Variants in TDRD5 observed in about 807,000 individuals in gnomAD.
TDRD5 encodes the protein tudor domain containing 5.
TDRD5 carries 41 observed loss-of-function variants against 120.6 expected under a neutral mutation model. That is an observed-to-expected ratio of 0.34 (90% CI 0.26 to 0.44). The LOEUF (loss-of-function observed/expected upper bound fraction) is 0.44, where lower values mean the gene tolerates loss of function less well. Ranked by LOEUF, TDRD5 falls within the 20% of genes least tolerant of loss-of-function variation. TDRD5 has a pLI of 1.00. For missense variants in TDRD5, 1,006 were observed against 1,221.2 expected (o/e 0.82, Z 2.63); for synonymous variants, 430 against 433.7 (o/e 0.99, Z 0.11).
At chr1:179,684,328 C>G (rs1572446024) in intron 17 of TDRD5, among the ~76,000 whole-genome samples, 1 of 152,076 alleles carries the variant, frequency 6.6e-6, no homozygotes, top group African/African-American at 2.4e-5. Flanking sequence ...ATAGTTTGCT[C>G]AGAATGATGG....
At position 179,662,219 on chromosome 1, in the gene TDRD5, C is replaced by A; in HGVS notation, c.2438C>A (p.Ser813Tyr). Residue 813 changes from serine to tyrosine, a missense_variant, in exon 15 of 18, where the codon TCC becomes TAC. This residue lies in a region of TDRD5 where 403 missense variants were observed against 448.1 expected (regional missense o/e 0.90). Transcript: ENST00000444136. The part of the protein sequence containing the change: ...AKMGKGGDAA[S>Y]HLFTASLGGK... ...ATGGGAAAAGGAGGTGATGCTGCCT[C>A]CCATCTATTTACTGCAAGCCTTGGT... is the stretch of plus-strand genomic sequence containing the variant. 6.2e-7 allele frequency: 1 copy of A among 1,611,762 alleles called. No individual in the cohort carries two copies. Among genetic ancestry groups the A allele is most frequent in the Non-Finnish European group, 8.5e-7 (1 of 1,179,112 alleles).
At chr1:179,626,725 A>T (rs973861383) in intron 6 of TDRD5, among the ~76,000 whole-genome samples, 1 of 152,116 alleles carries the variant, frequency 6.6e-6, no homozygotes, top group African/African-American at 2.4e-5. Flanking sequence ...AATTCTTTCA[A>T]CTTTTTCTGT....
rs866407493 is a variant in TDRD5, at chr1:179,633,852, A to G, written c.1127-605A>G. 3.3e-5 allele frequency among the ~76,000 whole-genome samples: 5 copies of G among 152,058 alleles called. No homozygotes were observed. In the South Asian group the frequency reaches 6.2e-4, roughly 19 times the overall value. On this transcript the variant is annotated intron_variant, in intron 7 of 17. Coordinates refer to ENST00000444136, the MANE Select transcript of TDRD5 (RefSeq NM_001199085.3). ...GAAGTAAATTGAAATCAAGATGCTGAAAAAAATTAAGTCTTTAACTAAAGT... is the reference window on the plus strand; with the variant it reads ...GAAGTAAATTGAAATCAAGATGCTGGAAAAAATTAAGTCTTTAACTAAAGT...
chr1:179,628,358 G>C (rs1040232730), intron 6 of TDRD5, among the ~76,000 whole-genome samples: 2 of 131,646 alleles, frequency 1.5e-5, no homozygotes, highest in Non-Finnish European at 3.1e-5. Flanking sequence ...TTTAAGACGG[G>C]GTCTTGCTGT....
chr1:179,682,989 G>C (rs977760667), intron 17 of TDRD5, among the ~76,000 whole-genome samples: 17 of 151,486 alleles, frequency 1.1e-4, no homozygotes, highest in Non-Finnish European at 1.2e-4. Context: ...CAAGATTCAA[G>C]GAGACCTCTC....
In TDRD5 at chr1:179,647,816, C is replaced by A. The variant is rs1020249199; in HGVS notation, c.1801-3051C>A. Among the ~76,000 whole-genome samples, 274 of 146,542 alleles carry A rather than the reference C, an allele frequency of 1.9e-3. 1 individual carries two copies. Among genetic ancestry groups the A allele is most frequent in the Non-Finnish European group, 1.5e-3 (99 of 66,066 alleles). ...TGAACAGACACTTCTCAAAAGAAGACATTTATGCAGCCAAAAAACATATGA... is the reference window on the plus strand; with the variant it reads ...TGAACAGACACTTCTCAAAAGAAGAAATTTATGCAGCCAAAAAACATATGA... On this transcript the variant is annotated intron_variant, in intron 11 of 17. Coordinates refer to ENST00000444136, the MANE Select transcript of TDRD5 (RefSeq NM_001199085.3).
rs748677047 is a variant in TDRD5 at position 179,654,300 on chromosome 1, A to T, written c.2260A>T (p.Ser754Cys). 1.7e-5 allele frequency: 26 copies of T among 1,549,716 alleles called. No homozygotes were observed. Among genetic ancestry groups the T allele is most frequent in the Non-Finnish European group, 4.4e-6 (5 of 1,146,578 alleles). Residue 754 changes from serine to cysteine, a missense_variant, in exon 14 of 18, where the codon AGC (serine) becomes TGC (cysteine). Around this residue, in one of 3 missense-constraint regions of TDRD5, gnomAD observed 403 missense variants for 448.1 expected, o/e 0.90. Transcript: ENST00000444136. ...EFESLKTCNK[S>C]FEEDPKWSNP... The stretch of plus-strand genomic sequence containing the variant: ...TGAGTCTTTGAAAACCTGTAATAAG[A>T]GCTTTGAAGAAGATCCAAAGTGGTC...
intron 5 of TDRD5, among the ~76,000 whole-genome samples, chr1:179,619,972 T>A (rs1676760986): frequency 6.6e-6 from 1 of 152,198 alleles, no homozygotes; most frequent in South Asian, 2.1e-4. Context: ...TGGTTATGTA[T>A]CAATATTGGA....
intron 6 of TDRD5, among the ~76,000 whole-genome samples, chr1:179,622,771 C>T (rs1447162512): frequency 2.0e-5 from 3 of 152,048 alleles, no homozygotes; most frequent in Non-Finnish European, 4.4e-5. Context: ...TGGAATAAAA[C>T]CAAATGGCCT....
intron 9 of TDRD5, among the ~76,000 whole-genome samples, chr1:179,637,512 C>G (rs1182895912): frequency 6.6e-6 from 1 of 152,022 alleles, no homozygotes; most frequent in East Asian, 1.9e-4. Flanking sequence ...TTTGGGAAGC[C>G]AAGGTGGGAG....
chr1:179,601,320 G>C (rs1675699074), intron 4 of TDRD5, among the ~76,000 whole-genome samples: 2 of 152,114 alleles, frequency 1.3e-5, no homozygotes, highest in South Asian at 4.1e-4. Flanking sequence ...TTGGTTACAT[G>C]AGTAAATTCT....
At chr1:179,652,295 T>C in intron 13 of TDRD5, 98 bp downstream of exon 13, 1 of 1,245,714 alleles carries the variant, frequency 8.0e-7, no homozygotes, top group Non-Finnish European at 1.1e-6. Context: ...TTTGGAAAGT[T>C]TGGAAATTTT....
At chr1:179,637,691 G>A (rs1276753275) in intron 9 of TDRD5, among the ~76,000 whole-genome samples, 1 of 148,014 alleles carries the variant, frequency 6.8e-6, no homozygotes, top group Admixed American at 6.9e-5. Flanking sequence ...CTCCAGCCTG[G>A]GCAACAGAGT....
intron 17 of TDRD5, among the ~76,000 whole-genome samples, chr1:179,685,667 T>C (rs2147819656): frequency 6.6e-6 from 1 of 152,344 alleles, no homozygotes; most frequent in African/African-American, 2.4e-5. Context: ...ATTCTTCCTA[T>C]CCATGAGCAT....
intron 17 of TDRD5, among the ~76,000 whole-genome samples, chr1:179,686,027 C>A (rs1680692962): frequency 6.6e-6 from 1 of 152,146 alleles, no homozygotes; most frequent in East Asian, 1.9e-4. Context: ...AACTGAATAC[C>A]CTTTCTTTCT....
chr1:179,601,781 G>A (rs142705401), intron 4 of TDRD5, among the ~76,000 whole-genome samples: 15 of 152,302 alleles, frequency 9.8e-5, no homozygotes, highest in African/African-American at 3.4e-4. Flanking sequence ...ACCCAGTAGT[G>A]GGATTGCTGG....
At chr1:179,616,813 G>GTAACC (rs1331200325) in intron 4 of TDRD5, among the ~76,000 whole-genome samples, 1 of 152,086 alleles carries the variant, frequency 6.6e-6, no homozygotes, top group African/African-American at 2.4e-5. Flanking sequence ...TACAGCCTTA[G>GTAACC]GTTATAGATG....
chr1:179,628,869 C>T (rs1046895011), intron 6 of TDRD5, among the ~76,000 whole-genome samples: 4 of 152,112 alleles, frequency 2.6e-5, no homozygotes, highest in Non-Finnish European at 5.9e-5. Flanking sequence ...TAACAAGGAA[C>T]TGGCAATAAT....
chr1:179,623,394 A>G (rs996493766), intron 6 of TDRD5, among the ~76,000 whole-genome samples: 1 of 152,194 alleles, frequency 6.6e-6, no homozygotes, highest in Non-Finnish European at 1.5e-5. Context: ...AATTGGGTTT[A>G]TAACATGAAA....
Sources: gnomAD v4.1 joint callset for allele counts (sites outside exome capture counted in the v4.1 genomes callset) on GRCh38, gnomAD v4.1.1 for gene constraint, gnomAD v4.1.1 regional missense constraint, MANE v1.5 for transcripts, NCBI Gene and HGNC (gene_info 2026-07-23, HGNC 2026-07-21) for gene names.